The following MACROD2 variants were observed in gnomAD, a reference collection of about 807,000 sequenced individuals.
The protein encoded by MACROD2 is ADP-ribose glycohydrolase MACROD2.
MACROD2 carries 36 observed loss-of-function variants against 70.4 expected under a neutral mutation model. The observed-to-expected ratio is 0.51, with a 90% CI of 0.39 to 0.68. The LOEUF (loss-of-function observed/expected upper bound fraction) is 0.68. Among genes scored for constraint, MACROD2 ranks in the 30% least tolerant of loss-of-function variants. The probability of loss-of-function intolerance (pLI) is 0.00; values close to 1 mark genes in which losing one functional copy is unlikely to be tolerated. For missense variants in MACROD2, 496 were observed against 538.4 expected (o/e 0.92, Z 0.78); for synonymous variants, 172 against 178.8 (o/e 0.96, Z 0.30).
At chr20:15,254,647 GC>G (rs1170206830) in intron 6 of MACROD2, among the ~76,000 whole-genome samples, 3 of 152,082 alleles carry the variant, frequency 2.0e-5, no homozygotes, top group African/African-American at 7.2e-5. Context: ...ATACCTGAGG[GC>G]ATATCCTTCA....
intron 8 of MACROD2, among the ~76,000 whole-genome samples, chr20:15,541,159 T>G (rs1307131254): frequency 3.3e-5 from 5 of 152,190 alleles, no homozygotes; most frequent in Non-Finnish European, 7.3e-5. Flanking sequence ...TTGGTTATGC[T>G]GAGTTTGAGG....
rs534549789 is a variant in MACROD2, at chr20:14,116,258, C to T, written c.271+30530C>T. On this transcript the variant is annotated intron_variant, in intron 3 of 17. Transcript: ENST00000684519. ...TTTGTCTAATCAGCTGTTATTAAAA[C>T]GCAATTACCAAATAATATATTCTTC... Among the ~76,000 whole-genome samples the T allele has an allele frequency of 1.4e-4, 22 of 152,280 alleles. No homozygotes were observed. In the South Asian group the frequency reaches 3.1e-3, roughly 22 times the overall value.
intron 8 of MACROD2, among the ~76,000 whole-genome samples, chr20:15,813,144 C>CA (rs1314444453): frequency 1.3e-5 from 2 of 152,142 alleles, no homozygotes; most frequent in African/African-American, 4.8e-5. Flanking sequence ...AACCCCTCCC[C>CA]AAAAAAAGCA....
At chr20:15,017,475 T>G (rs2075130673) in intron 5 of MACROD2, among the ~76,000 whole-genome samples, 1 of 152,190 alleles carries the variant, frequency 6.6e-6, no homozygotes, top group Non-Finnish European at 1.5e-5. Flanking sequence ...AGGTTCACAG[T>G]GCAAGCTGTC....
At chr20:14,822,196 T>C (rs938379104) in intron 5 of MACROD2, among the ~76,000 whole-genome samples, 1 of 152,076 alleles carries the variant, frequency 6.6e-6, no homozygotes, top group Admixed American at 6.6e-5. Context: ...GAATGTGATA[T>C]CACTTATCCT....
intron 4 of MACROD2, among the ~76,000 whole-genome samples, chr20:14,545,291 G>A (rs2085479555): frequency 6.6e-6 from 1 of 152,128 alleles, no homozygotes; most frequent in South Asian, 2.1e-4. Flanking sequence ...TGGGTTTTGG[G>A]TATTGTTGGC....
intron 12 of MACROD2, among the ~76,000 whole-genome samples, chr20:15,947,205 C>T (rs2065836790): frequency 6.6e-6 from 1 of 152,096 alleles, no homozygotes; most frequent in African/African-American, 2.4e-5. Flanking sequence ...CTGCAAGAGG[C>T]TTTCCTCTTT....
chr20:15,762,840 A>G (rs1421715598), intron 8 of MACROD2, among the ~76,000 whole-genome samples: 1 of 152,174 alleles, frequency 6.6e-6, no homozygotes, highest in Non-Finnish European at 1.5e-5. Flanking sequence ...TGTTACAATT[A>G]CTGTACCATC....
At chr20:14,418,798 A>T (rs1388506909) in intron 3 of MACROD2, among the ~76,000 whole-genome samples, 3 of 152,202 alleles carry the variant, frequency 2.0e-5, no homozygotes, top group African/African-American at 7.2e-5. Flanking sequence ...AAAACACAGT[A>T]TAATGTTACA....
intron 5 of MACROD2, among the ~76,000 whole-genome samples, chr20:15,193,368 C>G (rs1260551177): frequency 6.6e-6 from 1 of 152,120 alleles, no homozygotes; most frequent in Non-Finnish European, 1.5e-5. Flanking sequence ...AGAATGGTAG[C>G]TAACATACAG....
chr20:15,354,901 A>C (rs796609279), intron 6 of MACROD2, among the ~76,000 whole-genome samples: 2 of 152,344 alleles, frequency 1.3e-5, no homozygotes, highest in African/African-American at 2.4e-5. Context: ...AATATGTACT[A>C]GTACTAATTT....
chr20:15,858,831 T>C (rs1427367339), intron 8 of MACROD2, among the ~76,000 whole-genome samples: 2 of 152,194 alleles, frequency 1.3e-5, no homozygotes, highest in African/African-American at 4.8e-5. Flanking sequence ...ATTACAAAGT[T>C]ATACAGCATC....
intron 15 of MACROD2, among the ~76,000 whole-genome samples, chr20:16,031,630 G>T (rs1259407853): frequency 1.3e-5 from 2 of 152,102 alleles, no homozygotes; most frequent in Admixed American, 1.3e-4. Flanking sequence ...TTTATGCAAT[G>T]AGATATTAAC....
chr20:15,027,084 G>T (rs6135329), intron 5 of MACROD2, among the ~76,000 whole-genome samples: 2 of 151,962 alleles, frequency 1.3e-5, no homozygotes, highest in Admixed American at 1.3e-4. Flanking sequence ...AGTGATTTAT[G>T]TTGTGTCACA....
chr20:14,436,113 T>C (rs985088779), intron 3 of MACROD2, among the ~76,000 whole-genome samples: 3 of 152,076 alleles, frequency 2.0e-5, no homozygotes, highest in Admixed American at 6.6e-5. Flanking sequence ...GTTGGCAGAC[T>C]GCATATCAGA....
At chr20:14,563,032 C>G (rs1979541592) in intron 4 of MACROD2, among the ~76,000 whole-genome samples, 1 of 151,860 alleles carries the variant, frequency 6.6e-6, no homozygotes, top group South Asian at 2.1e-4. Flanking sequence ...TGAGTCAGGA[C>G]CTGCAGTCAC....
intron 5 of MACROD2, among the ~76,000 whole-genome samples, chr20:15,222,199 A>G (rs1055620156): frequency 6.6e-6 from 1 of 152,246 alleles, no homozygotes; most frequent in African/African-American, 2.4e-5. Context: ...GAAGAAATGT[A>G]TGAGAGTAAT....
At chr20:16,012,363 A>G (rs1018472521) in intron 15 of MACROD2, among the ~76,000 whole-genome samples, 11 of 152,110 alleles carry the variant, frequency 7.2e-5, no homozygotes, top group Non-Finnish European at 1.6e-4. Flanking sequence ...CTCAGCTTTG[A>G]TTGTAAATGG....
intron 4 of MACROD2, among the ~76,000 whole-genome samples, chr20:14,503,172 T>C (rs1388738506): frequency 6.6e-6 from 1 of 152,086 alleles, no homozygotes; most frequent in African/African-American, 2.4e-5. Flanking sequence ...GGCCCACCCA[T>C]GTGTATGTCC....
Sources: gnomAD v4.1 joint callset for allele counts (sites outside exome capture counted in the v4.1 genomes callset) on GRCh38, gnomAD v4.1.1 for gene constraint, MANE v1.5 for transcripts, NCBI Gene and HGNC (gene_info 2026-07-23, HGNC 2026-07-21) for gene names.